Variants in PPP1R9A observed in about 807,000 individuals in gnomAD.
The protein encoded by PPP1R9A is protein phosphatase 1 regulatory subunit 9A.
In PPP1R9A, 59 loss-of-function variants were observed where a neutral mutation model predicts 141.9. That is an observed-to-expected ratio of 0.42 (90% confidence interval 0.34 to 0.52). The LOEUF (loss-of-function observed/expected upper bound fraction) is 0.52, where lower values mean the gene tolerates loss of function less well. PPP1R9A is among the 20% of genes least tolerant of loss of function. The probability of loss-of-function intolerance (pLI) is 0.10; values close to 1 mark genes in which losing one functional copy is unlikely to be tolerated. For missense variants in PPP1R9A, 1,444 were observed against 1,611.9 expected, an observed-to-expected ratio of 0.90 and a Z score of 1.78; for synonymous variants, 500 against 569.7, an observed-to-expected ratio of 0.88 and a Z score of 1.74.
At position 95,051,826 on chromosome 7, in the gene PPP1R9A, AT is replaced by A. The variant is rs202124272; in HGVS notation, c.1396-59423del. 5.5e-3 allele frequency among the ~76,000 whole-genome samples: 807 copies of A among 147,710 alleles called. 8 individuals carry two copies. Among genetic ancestry groups the A allele is most frequent in the African/African-American group, 0.016 (654 of 40,126 alleles). On this transcript the variant is annotated intron_variant, in intron 2 of 19. Transcript: ENST00000433360. ...CATCTACAGAACCAGATGCATTAAAATTTTTTTTTTATTTTAATTTTTTTTT... is the reference window on the plus strand; with the variant it reads ...CATCTACAGAACCAGATGCATTAAAATTTTTTTTTATTTTAATTTTTTTTT...
chr7:95,024,231 G>T (rs1020620208), intron 2 of PPP1R9A, among the ~76,000 whole-genome samples: 1 of 152,116 alleles, frequency 6.6e-6, no homozygotes, highest in African/African-American at 2.4e-5. Flanking sequence ...AGTGTGATGT[G>T]GTGCTCAGAA....
intron 2 of PPP1R9A, among the ~76,000 whole-genome samples, chr7:95,006,080 T>C (rs565761050): frequency 2.0e-5 from 3 of 152,234 alleles, no homozygotes; most frequent in African/African-American, 7.2e-5. Context: ...GTCTTAATGT[T>C]CTCTCTGTAG....
At chr7:95,256,982 A>T (rs1235407030) in intron 12 of PPP1R9A, among the ~76,000 whole-genome samples, 2 of 152,196 alleles carry the variant, frequency 1.3e-5, no homozygotes, top group Admixed American at 1.3e-4. Flanking sequence ...AATGCTTTTT[A>T]TGCAAAATTA....
chr7:95,074,142 A>T (rs1349503716), intron 2 of PPP1R9A, among the ~76,000 whole-genome samples: 1 of 152,096 alleles, frequency 6.6e-6, no homozygotes, highest in Non-Finnish European at 1.5e-5. Flanking sequence ...TGTCTATCTC[A>T]TAGAGTTGAT....
chr7:95,226,489 G>C (rs1031740588), intron 8 of PPP1R9A, among the ~76,000 whole-genome samples: 15 of 152,138 alleles, frequency 9.9e-5, no homozygotes, highest in African/African-American at 3.6e-4. Context: ...TCATGAAATA[G>C]GTTTCTAATA....
chr7:95,144,164 C>G (rs1045727095), intron 4 of PPP1R9A, among the ~76,000 whole-genome samples: 116 of 152,226 alleles, frequency 7.6e-4, no homozygotes, highest in African/African-American at 2.7e-3. Flanking sequence ...CCCACTCCCC[C>G]CAGTCCCTGA....
chr7:94,970,484 G>A (rs1309358128), intron 2 of PPP1R9A, among the ~76,000 whole-genome samples: 1 of 152,124 alleles, frequency 6.6e-6, no homozygotes, highest in Non-Finnish European at 1.5e-5. Flanking sequence ...TTGTCTCACT[G>A]TCTGTGGGCT....
At chr7:95,214,155 A>G (rs1282754769) in intron 7 of PPP1R9A, 1 of 152,178 alleles carries the variant, frequency 6.6e-6, no homozygotes, top group Non-Finnish European at 1.5e-5. Flanking sequence ...AAAACTTAGC[A>G]ACTTAAAAGA....
intron 2 of PPP1R9A, among the ~76,000 whole-genome samples, chr7:95,079,632 A>G (rs1815464915): frequency 6.6e-6 from 1 of 152,058 alleles, no homozygotes; most frequent in Admixed American, 6.6e-5. Flanking sequence ...CAGAGACACA[A>G]CCAAAAAAGA....
chr7:95,104,378 C>G (rs1162365451), intron 2 of PPP1R9A, among the ~76,000 whole-genome samples: 3 of 152,130 alleles, frequency 2.0e-5, no homozygotes, highest in Non-Finnish European at 4.4e-5. Context: ...GGACAGAAAT[C>G]TGGGATTTTA....
intron 2 of PPP1R9A, among the ~76,000 whole-genome samples, chr7:94,942,992 T>C (rs1030758020): frequency 1.3e-5 from 2 of 152,126 alleles, no homozygotes; most frequent in African/African-American, 4.8e-5. Context: ...TTCAAGTGTT[T>C]GCTACAATGA....
intron 2 of PPP1R9A, chr7:95,098,271 G>A (rs181550886): frequency 4.5e-4 from 68 of 152,220 alleles, no homozygotes; most frequent in African/African-American, 1.5e-3. Flanking sequence ...GTTTATCCTA[G>A]GCGTGATTAT....
rs183795882 is a variant in PPP1R9A at position 95,152,039 on chromosome 7, C to T, written c.1650-9828C>T. ...CAATCTTGGCTCACTGCAACCTCCA[C>T]CTCCCAGGTTCAAGCAATTCTCCTG... On this transcript the variant is annotated intron_variant, in intron 4 of 19. Transcript: ENST00000433360. Among the ~76,000 whole-genome samples the T allele has an allele frequency of 2.2e-3, 318 of 146,878 alleles. 1 individual carries two copies. The highest frequency in any genetic ancestry group is 2.8e-3 in the Non-Finnish European group (186 of 67,352).
chr7:95,224,065 A>G (rs1794815927), intron 7 of PPP1R9A, among the ~76,000 whole-genome samples: 2 of 152,060 alleles, frequency 1.3e-5, no homozygotes, highest in African/African-American at 4.8e-5. Flanking sequence ...TCATTGTGCT[A>G]ATAAATAAGT....
chr7:95,070,326 T>C (rs922247829), intron 2 of PPP1R9A, among the ~76,000 whole-genome samples: 2 of 151,876 alleles, frequency 1.3e-5, no homozygotes, highest in African/African-American at 4.8e-5. Flanking sequence ...CTAATTATGT[T>C]TGAAAAAAAA....
At position 94,910,071 on chromosome 7, in the gene PPP1R9A, C is replaced by T. The variant is rs1005438732; in HGVS notation, c.-43C>T. ...AGGTATCTTGGTTTTTGGTTTTTTT[C>T]TTTGATCATTATGAACATTGGCTTT... On this transcript the variant is annotated 5_prime_UTR_variant, in exon 2 of 20. Transcript: ENST00000433360. The surrounding 1 kb of genome is among the most constrained non-coding windows in gnomAD (Gnocchi z 4.5). 1.9e-6 allele frequency: 3 copies of T among 1,538,980 alleles called. No homozygotes were observed. Among genetic ancestry groups the T allele is most frequent in the Admixed American group, 4.3e-5 (2 of 46,952 alleles).
chr7:95,176,889 G>C (rs934022563), intron 5 of PPP1R9A, among the ~76,000 whole-genome samples: 3 of 152,108 alleles, frequency 2.0e-5, no homozygotes, highest in African/African-American at 7.2e-5. Flanking sequence ...CCAAACCTAA[G>C]AATAATCAGC....
At chr7:95,111,230 A>C in intron 2 of PPP1R9A, 29 bp from the exon 3 acceptor site, 1 of 1,468,446 alleles carries the variant, frequency 6.8e-7, no homozygotes, top group South Asian at 1.4e-5. Context: ...TTTTTTCTGT[A>C]TTATCATCTT....
At chr7:95,064,893 A>T (rs1041097016) in intron 2 of PPP1R9A, among the ~76,000 whole-genome samples, 1 of 152,226 alleles carries the variant, frequency 6.6e-6, no homozygotes, top group African/African-American at 2.4e-5. Context: ...TAATGAAATT[A>T]ACCACATTTG....
Sources: gnomAD v4.1 joint callset for allele counts (sites outside exome capture counted in the v4.1 genomes callset) on GRCh38, gnomAD v4.1.1 for gene constraint, Gnocchi (gnomAD v3.1) non-coding constraint, MANE v1.5 for transcripts, NCBI Gene and HGNC (gene_info 2026-07-23, HGNC 2026-07-21) for gene names.